GRM7: variants seen among roughly 807,000 people sequenced by gnomAD.
The protein encoded by GRM7 is metabotropic glutamate receptor 7.
GRM7 carries 35 observed loss-of-function variants against 84.5 expected under a neutral mutation model. That is an observed-to-expected ratio of 0.41 (90% CI 0.32 to 0.55). GRM7 has a LOEUF of 0.55. Among genes scored for constraint, GRM7 ranks in the 20% least tolerant of loss-of-function variants. The probability of loss-of-function intolerance (pLI) is 0.19; values close to 1 mark genes in which losing one functional copy is unlikely to be tolerated. For synonymous variants in GRM7, 487 were observed against 455.1 expected (o/e 1.07, Z -0.89); for missense variants, 1,003 against 1,194.6 (o/e 0.84, Z 2.36).
intron 4 of GRM7, among the ~76,000 whole-genome samples, chr3:7,310,317 G>A (rs928236249): frequency 2.0e-5 from 3 of 152,144 alleles, no homozygotes; most frequent in Non-Finnish European, 4.4e-5. Context: ...ATGTATGTAG[G>A]AATAGACAAA....
chr3:7,468,834 T>C (rs1159693523), intron 7 of GRM7, among the ~76,000 whole-genome samples: 1 of 152,156 alleles, frequency 6.6e-6, no homozygotes, highest in Non-Finnish European at 1.5e-5. Flanking sequence ...ACAAAGAAGG[T>C]CCTTGCTACC....
At chr3:7,043,776 A>G (rs560141932) in intron 1 of GRM7, among the ~76,000 whole-genome samples, 24 of 152,278 alleles carry the variant, frequency 1.6e-4, no homozygotes, top group Non-Finnish European at 3.4e-4. Context: ...TGAATGCTTA[A>G]CCACATCCCC....
At chr3:7,367,184 A>G (rs975726243) in intron 4 of GRM7, among the ~76,000 whole-genome samples, 1 of 151,490 alleles carries the variant, frequency 6.6e-6, no homozygotes, top group Non-Finnish European at 1.5e-5. Flanking sequence ...TCCTAAAATC[A>G]TCTAAAATTT....
At chr3:7,412,791 C>T (rs1695998039) in intron 4 of GRM7, among the ~76,000 whole-genome samples, 1 of 151,612 alleles carries the variant, frequency 6.6e-6, no homozygotes, top group South Asian at 2.1e-4. Context: ...ATACCATCTG[C>T]CCCTTATAAA....
chr3:7,029,279 G>A (rs1340357242), intron 1 of GRM7, among the ~76,000 whole-genome samples: 1 of 143,372 alleles, frequency 7.0e-6, no homozygotes, highest in African/African-American at 2.7e-5. Context: ...ACTCTAGCCT[G>A]AGTGACAGTG....
chr3:6,880,510 A>G (rs339804), intron 1 of GRM7, among the ~76,000 whole-genome samples: 47,437 of 152,088 alleles, frequency 0.31, 7,890 homozygotes, highest in South Asian at 0.46. Context: ...TGGTTCACAT[A>G]TAAACAATAT....
chr3:7,515,602 C>G (rs1026154682), intron 7 of GRM7, among the ~76,000 whole-genome samples: 1 of 152,148 alleles, frequency 6.6e-6, no homozygotes, highest in Non-Finnish European at 1.5e-5. Context: ...GATGGTTATC[C>G]TTTTGACAGT....
chr3:7,544,946 T>C (rs1189042747), intron 7 of GRM7, among the ~76,000 whole-genome samples: 5 of 152,226 alleles, frequency 3.3e-5, no homozygotes, highest in Admixed American at 2.6e-4. Context: ...TATCACTCCT[T>C]GTTAAAAAAT....
intron 6 of GRM7, among the ~76,000 whole-genome samples, chr3:7,457,938 C>A (rs111880373): frequency 6.6e-6 from 1 of 152,188 alleles, no homozygotes; most frequent in Admixed American, 6.5e-5. Context: ...AGAGCTCTGA[C>A]CAAATTACAA....
At chr3:7,530,743 T>G (rs1248494459) in intron 7 of GRM7, among the ~76,000 whole-genome samples, 1 of 152,168 alleles carries the variant, frequency 6.6e-6, no homozygotes, top group African/African-American at 2.4e-5. Flanking sequence ...AAATGCCTTC[T>G]TTTGAGGAGT....
In GRM7 at chr3:7,306,647, T is replaced by C. The variant is rs1379213195; in HGVS notation, c.1028T>C (p.Val343Ala). 1 of 1,599,274 alleles carries C rather than the reference T, an allele frequency of 6.3e-7. No individual in the cohort carries two copies. Among genetic ancestry groups the C allele is most frequent in the African/African-American group, 1.3e-5 (1 of 74,078 alleles). The change falls in exon 4 of 10, where the codon GTG (valine) becomes GCG (alanine). Residue 343 changes from valine to alanine, a missense_variant. Transcript: ENST00000357716. ...AITIQPKRAT[V>A]EGFDAYFTSR... Reference sequence around the variant, plus strand: ...ACCATTCAGCCCAAGCGAGCCACGGTGGAAGGTATGGGTTTCATCAGCAGT... The same window carrying C: ...ACCATTCAGCCCAAGCGAGCCACGGCGGAAGGTATGGGTTTCATCAGCAGT...
intron 4 of GRM7, among the ~76,000 whole-genome samples, chr3:7,367,469 A>C (rs928486133): frequency 6.6e-6 from 1 of 151,970 alleles, no homozygotes; most frequent in African/African-American, 2.4e-5. Flanking sequence ...AAATATAGTT[A>C]GAATTATTGA....
chr3:7,091,790 T>G (rs1479123715), intron 1 of GRM7, among the ~76,000 whole-genome samples: 1 of 149,952 alleles, frequency 6.7e-6, no homozygotes, highest in Non-Finnish European at 1.5e-5. Context: ...CTCAGGATAA[T>G]TTTAGAAACC....
chr3:6,918,759 T>C (rs1697025038), intron 1 of GRM7, among the ~76,000 whole-genome samples: 1 of 151,972 alleles, frequency 6.6e-6, no homozygotes, highest in Admixed American at 6.6e-5. Context: ...GCTCAGATAA[T>C]AGGAGAAATG....
intron 2 of GRM7, among the ~76,000 whole-genome samples, chr3:7,231,603 G>T (rs1048425755): frequency 6.6e-5 from 10 of 152,186 alleles, no homozygotes; most frequent in African/African-American, 2.4e-4. Context: ...TATCAAAACA[G>T]CTGGCATTTA....
intron 1 of GRM7, among the ~76,000 whole-genome samples, chr3:6,883,126 A>G (rs1024636883): frequency 2.0e-5 from 3 of 152,160 alleles, no homozygotes; most frequent in African/African-American, 7.2e-5. Flanking sequence ...CATGAGACCT[A>G]CATGATTCTA....
intron 2 of GRM7, among the ~76,000 whole-genome samples, chr3:7,204,421 A>G (rs932587864): frequency 6.6e-6 from 1 of 152,250 alleles, no homozygotes; most frequent in Admixed American, 6.5e-5. Context: ...CCCATCAATT[A>G]TTTAACCAGT....
At chr3:7,263,934 G>T (rs554091017) in intron 2 of GRM7, among the ~76,000 whole-genome samples, 1 of 152,230 alleles carries the variant, frequency 6.6e-6, no homozygotes, top group South Asian at 2.1e-4. Context: ...GATGTGGGGG[G>T]TGGCCGTGGG....
chr3:7,321,176 A>G (rs1362698670), intron 4 of GRM7, among the ~76,000 whole-genome samples: 1 of 152,048 alleles, frequency 6.6e-6, no homozygotes, highest in Non-Finnish European at 1.5e-5. Flanking sequence ...AGATATAGCT[A>G]TATAATGCAG....
Sources: allele counts gnomAD v4.1 joint callset (sites outside exome capture counted in the v4.1 genomes callset), GRCh38; gene constraint gnomAD v4.1.1; transcripts MANE v1.5; gene names NCBI Gene and HGNC (gene_info 2026-07-23, HGNC 2026-07-21).